Variants in KDM6A observed in about 807,000 individuals in gnomAD.
KDM6A encodes the protein lysine demethylase 6A, also known as lysine-specific demethylase 6A.
A neutral mutation model predicts 117.6 loss-of-function variants in KDM6A; 11 were observed. The ratio of observed to expected loss-of-function variants is 0.09; its 90% CI spans 0.06 to 0.15. KDM6A has a LOEUF of 0.15. KDM6A is among the 10% of genes least tolerant of loss of function. The pLI is 1.00. For synonymous variants in KDM6A, 384 were observed against 396.1 expected, an observed-to-expected ratio of 0.97 and a Z score of 0.36; for missense variants, 799 against 1,077.3, an observed-to-expected ratio of 0.74 and a Z score of 3.62.
intron 2 of KDM6A, among the ~76,000 whole-genome samples, chrX:44,912,599 A>G (rs1046148040): frequency 8.9e-6 from 1 of 112,214 alleles, no homozygotes; most frequent in Non-Finnish European, 1.9e-5. Flanking sequence ...ATTGCATATC[A>G]TTGGAATCTA....
At chrX:45,052,808 G>GC (rs779414502) in intron 9 of KDM6A, among the ~76,000 whole-genome samples, 1 of 111,328 alleles carries the variant, frequency 9.0e-6, no homozygotes, top group African/African-American at 3.3e-5. Flanking sequence ...TCCCACCTCA[G>GC]CCCCCCGAGT....
At chrX:45,071,846 C>T (rs755424180) in intron 18 of KDM6A, among the ~76,000 whole-genome samples, 46 of 110,281 alleles carry the variant, frequency 4.2e-4, no homozygotes, top group Non-Finnish European at 7.0e-4. Flanking sequence ...TTCAACTTAC[C>T]GCACGCTCTG....
chrX:45,065,856 T>C (rs1031863472), intron 17 of KDM6A, among the ~76,000 whole-genome samples: 1 of 110,197 alleles, frequency 9.1e-6, no homozygotes, highest in Non-Finnish European at 1.9e-5. Context: ...ACAATGTGAG[T>C]GATGCCCTGG....
chrX:44,992,317 C>T (rs1338061166), intron 4 of KDM6A, among the ~76,000 whole-genome samples: 6 of 92,466 alleles, frequency 6.5e-5, no homozygotes, highest in Non-Finnish European at 1.0e-4. Flanking sequence ...CTCTGCCTCC[C>T]GGGTTCAAGC....
At chrX:44,996,187 T>C (rs7063159) in intron 4 of KDM6A, among the ~76,000 whole-genome samples, 13,030 of 110,043 alleles carry the variant, frequency 0.12, 901 homozygotes, top group African/African-American at 0.26. Context: ...AACAGTCCTT[T>C]TTAGCCTCTC....
chrX:44,969,624 G>A (rs750033499), intron 3 of KDM6A, among the ~76,000 whole-genome samples: 1 of 109,644 alleles, frequency 9.1e-6, no homozygotes, highest in African/African-American at 3.3e-5. Flanking sequence ...CACCGTGTTA[G>A]CCAGGATGGT....
At chrX:44,910,351 T>A (rs922755294) in intron 2 of KDM6A, among the ~76,000 whole-genome samples, 1 of 111,331 alleles carries the variant, frequency 9.0e-6, no homozygotes, top group African/African-American at 3.3e-5. Flanking sequence ...CATGCCCGGC[T>A]AATTTTTTTG....
intron 4 of KDM6A, among the ~76,000 whole-genome samples, chrX:44,998,828 G>A (rs192721090): frequency 8.9e-5 from 10 of 111,751 alleles, no homozygotes; most frequent in Non-Finnish European, 1.1e-4. Flanking sequence ...CTTGGTGGTG[G>A]CTACAGTCAA....
chrX:44,890,698 A>T (rs1220673236), intron 2 of KDM6A, among the ~76,000 whole-genome samples: 4 of 78,361 alleles, frequency 5.1e-5, no homozygotes, highest in Non-Finnish European at 4.4e-5. Flanking sequence ...CTTGTTGCCC[A>T]GGCTGGATTG....
chrX:45,040,461 C>T (rs2043058367), intron 8 of KDM6A, among the ~76,000 whole-genome samples: 1 of 84,375 alleles, frequency 1.2e-5, no homozygotes, highest in African/African-American at 4.5e-5. Context: ...CCCCCCCCAC[C>T]TCCCTCCCGG....
intron 3 of KDM6A, among the ~76,000 whole-genome samples, chrX:44,970,372 G>C (rs2039282057): frequency 9.0e-6 from 1 of 110,791 alleles, no homozygotes; most frequent in Non-Finnish European, 1.9e-5. Flanking sequence ...ATAATTACAT[G>C]GACTTCTTTT....
At chrX:45,074,181 T>C (rs2045002352) in intron 18 of KDM6A, among the ~76,000 whole-genome samples, 1 of 111,587 alleles carries the variant, frequency 9.0e-6, no homozygotes, top group Non-Finnish European at 1.9e-5. Flanking sequence ...GATCAGATGA[T>C]TGTAGATGTG....
intron 3 of KDM6A, 32 bp from the exon 4 acceptor site, chrX:44,974,634 A>G: frequency 9.6e-7 from 1 of 1,046,366 alleles, no homozygotes. Context: ...AAAGTGAGAC[A>G]TAATTATGAC....
intron 2 of KDM6A, among the ~76,000 whole-genome samples, chrX:44,923,871 TGCCACCTC>T (rs763091426): frequency 9.0e-6 from 1 of 111,350 alleles, no homozygotes; most frequent in Non-Finnish European, 1.9e-5. Context: ...TACAGGCATC[TGCCACCTC>T]GCCTGGCTAA....
chrX:44,945,806 G>T (rs746322763), intron 2 of KDM6A, among the ~76,000 whole-genome samples: 162 of 111,482 alleles, frequency 1.5e-3, no homozygotes, highest in African/African-American at 5.2e-3. Context: ...CAAATTAGTG[G>T]AGCACATTGT....
At chrX:45,062,824 C>A in intron 16 of KDM6A, 76 bp downstream of exon 16, 1 of 636,038 alleles carries the variant, frequency 1.6e-6, no homozygotes, top group Non-Finnish European at 2.6e-6. Flanking sequence ...CATTTTAGAG[C>A]ATGTTTATGT....
chrX:45,034,899 A>T (rs2147775931), intron 6 of KDM6A, 32 bp from the exon 7 acceptor site: 1 of 1,144,332 alleles, frequency 8.7e-7, no homozygotes, highest in Non-Finnish European at 1.2e-6. Flanking sequence ...CTCTAAATTG[A>T]CTGCATTAAT....
intron 2 of KDM6A, among the ~76,000 whole-genome samples, chrX:44,925,477 C>T (rs2036248236): frequency 9.0e-6 from 1 of 111,409 alleles, no homozygotes; most frequent in African/African-American, 3.3e-5. Context: ...AATCTGGTTC[C>T]CTTTTGGCCA....
chrX:44,930,150 A>T (rs1251795064), intron 2 of KDM6A, among the ~76,000 whole-genome samples: 1 of 109,928 alleles, frequency 9.1e-6, no homozygotes, highest in Admixed American at 9.7e-5. Flanking sequence ...TATAAAAATT[A>T]TTTTTTTTCC....
Sources: allele counts gnomAD v4.1 joint callset (sites outside exome capture counted in the v4.1 genomes callset), GRCh38; gene constraint gnomAD v4.1.1; transcripts MANE v1.5; gene names NCBI Gene and HGNC (gene_info 2026-07-23, HGNC 2026-07-21).